FAT4: variants seen among roughly 807,000 people sequenced by gnomAD.
FAT4 encodes protocadherin Fat 4.
A neutral mutation model predicts 303.9 loss-of-function variants in FAT4; 84 were observed. The ratio of observed to expected loss-of-function variants is 0.28; its 90% CI spans 0.23 to 0.33. The LOEUF (loss-of-function observed/expected upper bound fraction) is 0.33, where lower values mean the gene tolerates loss of function less well. Ranked by LOEUF, FAT4 falls within the 10% of genes least tolerant of loss-of-function variation. FAT4 has a pLI of 1.00. For missense variants in FAT4, 6,005 were observed against 6,146.8 expected, an observed-to-expected ratio of 0.98 and a Z score of 0.77; for synonymous variants, 2,307 against 2,298.8, an observed-to-expected ratio of 1.00 and a Z score of -0.10.
At position 125,315,136 on chromosome 4, in the gene FAT4, C is replaced by T. The variant is rs1250619742; in HGVS notation, c.-854C>T. Among the ~76,000 whole-genome samples the T allele has an allele frequency of 6.6e-6, 1 of 151,786 alleles. No homozygotes were observed. The highest frequency in any genetic ancestry group is 2.4e-5 in the African/African-American group (1 of 41,322). On this transcript the variant is annotated 5_prime_UTR_variant, in exon 1 of 18. The change creates a premature stop within an existing upstream ORF in the 5' untranslated region. Transcript: ENST00000394329. ...AAGGGGCGGGGAGAGTGTGAGGGAC[C>T]AGGCGGGAGGTGGAGAAGGGCTCGC... is the stretch of plus-strand genomic sequence containing the variant.
chr4:125,459,142 T>C (rs1351695476), intron 10 of FAT4, among the ~76,000 whole-genome samples: 1 of 152,010 alleles, frequency 6.6e-6, no homozygotes, highest in East Asian at 1.9e-4. Context: ...TTTATGGTAG[T>C]CTAATATGTA....
At chr4:125,447,497 G>A (rs548578159) in intron 9 of FAT4, among the ~76,000 whole-genome samples, 1 of 152,254 alleles carries the variant, frequency 6.6e-6, no homozygotes, top group South Asian at 2.1e-4. Flanking sequence ...ATGAAATGAT[G>A]TTGGCAGGCA....
chr4:125,342,625 G>T (rs1731840850), intron 2 of FAT4, among the ~76,000 whole-genome samples: 1 of 151,736 alleles, frequency 6.6e-6, no homozygotes, highest in African/African-American at 2.4e-5. Flanking sequence ...TTTAAATTTA[G>T]ATATGTTTAC....
At chr4:125,365,556 G>A (rs367760152) in intron 2 of FAT4, among the ~76,000 whole-genome samples, 16 of 152,038 alleles carry the variant, frequency 1.1e-4, no homozygotes, top group Non-Finnish European at 1.3e-4. Context: ...TATTTCTGAC[G>A]AGAGAGCTAT....
chr4:125,403,417 T>C (rs1734464461), intron 3 of FAT4, among the ~76,000 whole-genome samples: 1 of 152,006 alleles, frequency 6.6e-6, no homozygotes, highest in Non-Finnish European at 1.5e-5. Flanking sequence ...TTAAGAAATA[T>C]CTCTCTTCCT....
At chr4:125,474,417 A>G (rs576855433) in intron 12 of FAT4, among the ~76,000 whole-genome samples, 1 of 151,962 alleles carries the variant, frequency 6.6e-6, no homozygotes, top group African/African-American at 2.4e-5. Context: ...CGCATTTTAC[A>G]GATAACTGAA....
Position 125,347,422 on chromosome 4 carries a change from A to G in FAT4, c.5175+25836A>G, listed in dbSNP as rs544548430. ...TGTCAACAGTACATCCAGTGGAAAA[A>G]TAGTTTTCTAGAACTGCCCTTCTTT... On this transcript the variant is annotated intron_variant, in intron 2 of 17. Coordinates refer to ENST00000394329, the MANE Select transcript of FAT4 (RefSeq NM_001291303.3). 1.4e-3 allele frequency among the ~76,000 whole-genome samples: 205 copies of G among 151,494 alleles called. 1 individual carries two copies. Among genetic ancestry groups the G allele is most frequent in the African/African-American group, 4.9e-3 (202 of 41,432 alleles).
At chr4:125,416,894 C>T (rs1333792451) in intron 7 of FAT4, among the ~76,000 whole-genome samples, 2 of 151,492 alleles carry the variant, frequency 1.3e-5, no homozygotes, top group Non-Finnish European at 2.9e-5. Context: ...TGCAGTGAGC[C>T]GAGATCACAC....
chr4:125,484,002 T>TTCTCTCTCTCTC (rs67727570), intron 16 of FAT4, among the ~76,000 whole-genome samples: 1 of 129,820 alleles, frequency 7.7e-6, no homozygotes, highest in African/African-American at 3.0e-5. Context: ...ATGGTTTGCA[T>TTCTCTCTCTCTC]TCTCTCTCTC....
intron 16 of FAT4, among the ~76,000 whole-genome samples, chr4:125,486,985 A>G (rs1343953524): frequency 6.6e-6 from 1 of 152,154 alleles, no homozygotes; most frequent in African/African-American, 2.4e-5. Context: ...GAACCAGCAT[A>G]ACACACTCCA....
At chr4:125,430,482 G>A (rs1195841532) in intron 7 of FAT4, among the ~76,000 whole-genome samples, 1 of 152,074 alleles carries the variant, frequency 6.6e-6, no homozygotes, top group Non-Finnish European at 1.5e-5. Context: ...TTGGAGGCAC[G>A]ATTCAAATTT....
intron 2 of FAT4, among the ~76,000 whole-genome samples, chr4:125,394,667 C>T (rs1444191592): frequency 1.3e-5 from 2 of 151,954 alleles, no homozygotes; most frequent in Admixed American, 6.6e-5. Context: ...TTTTATATAA[C>T]GTTTTAAAAT....
chr4:125,439,859 C>T (rs941796138), intron 8 of FAT4, among the ~76,000 whole-genome samples: 22 of 152,040 alleles, frequency 1.4e-4, no homozygotes, highest in African/African-American at 5.3e-4. Flanking sequence ...CTCCCATGGC[C>T]TAGGAAAGTC....
At chr4:125,412,605 G>A (rs564590164) in intron 5 of FAT4, among the ~76,000 whole-genome samples, 4 of 151,716 alleles carry the variant, frequency 2.6e-5, no homozygotes, top group Admixed American at 1.3e-4. Flanking sequence ...TTACAACAAC[G>A]CTATAAAATT....
At chr4:125,348,499 A>G (rs1196655943) in intron 2 of FAT4, among the ~76,000 whole-genome samples, 1 of 151,724 alleles carries the variant, frequency 6.6e-6, no homozygotes, top group African/African-American at 2.4e-5. Flanking sequence ...AATTAATGCT[A>G]TATTGAGGAA....
At position 125,479,819 on chromosome 4, in the gene FAT4, G is replaced by A. The variant is rs565230054; in HGVS notation, c.12558G>A (p.Gln4186=). The change falls in exon 15 of 18, where the codon CAG becomes CAA. Residue 4186 remains glutamine (Q), a synonymous_variant. Coordinates refer to ENST00000394329, the MANE Select transcript of FAT4 (RefSeq NM_001291303.3). ...GGTCMDYWSW[Q]QCHCKEGLTG... is the part of the protein sequence containing the mutation. Reference sequence around the variant, plus strand: ...CATGTATGGATTACTGGTCATGGCAGCAGTGTCATTGCAAAGAGGGACTCA... The same window carrying A: ...CATGTATGGATTACTGGTCATGGCAACAGTGTCATTGCAAAGAGGGACTCA... 2.5e-6 allele frequency: 4 copies of A among 1,602,280 alleles called. No individual in the cohort carries two copies. The East Asian group carries it at 6.7e-5, about 27-fold the overall frequency.
intron 2 of FAT4, among the ~76,000 whole-genome samples, chr4:125,394,434 A>G (rs1016275613): frequency 1.3e-5 from 2 of 152,208 alleles, no homozygotes; most frequent in African/African-American, 4.8e-5. Context: ...ATGTAGTAGT[A>G]TTGGGTTTGT....
rs371558608 is a variant in FAT4, at chr4:125,491,282, A to G, written c.14466A>G (p.Arg4822=). The part of the protein sequence containing the change: ...HGRSSSEEDC[R]RPLSRTRNPA... ...GGTCTTCTTCAGAGGAGGACTGCAG[A>G]AGGCCACTGTCTAGAACAAGGAATC... is the stretch of plus-strand genomic sequence containing the variant. Residue 4822 remains arginine, a synonymous_variant, in exon 18 of 18, where the codon AGA becomes AGG. Coordinates refer to ENST00000394329, the MANE Select transcript of FAT4 (RefSeq NM_001291303.3). The G allele has an allele frequency of 1.2e-6, 2 of 1,614,052 alleles. No homozygotes were observed. Among genetic ancestry groups the G allele is most frequent in the Admixed American group, 3.3e-5 (2 of 60,014 alleles).
intron 2 of FAT4, among the ~76,000 whole-genome samples, chr4:125,377,025 G>T (rs1314813140): frequency 6.6e-6 from 1 of 152,052 alleles, no homozygotes; most frequent in Non-Finnish European, 1.5e-5. Context: ...TTATCATAAG[G>T]GAAGAAAAAT....
Sources: gnomAD v4.1 joint callset for allele counts (sites outside exome capture counted in the v4.1 genomes callset) on GRCh38, gnomAD v4.1.1 for gene constraint, MANE v1.5 for transcripts, NCBI Gene and HGNC (gene_info 2026-07-23, HGNC 2026-07-21) for gene names.